Variants in EYS observed in about 807,000 individuals in gnomAD.
EYS encodes EGF-like photoreceptor maintenance factor.
Under a neutral mutation model 282.1 loss-of-function variants are expected in EYS, and 250 were observed. That is an observed-to-expected ratio of 0.89 (90% CI 0.80 to 0.98). The LOEUF (loss-of-function observed/expected upper bound fraction) is 0.98. Ranked by LOEUF, EYS falls within the 50% of genes least tolerant of loss-of-function variation. EYS has a pLI of 0.00. For synonymous variants in EYS, 1,355 were observed against 1,282.9 expected (o/e 1.06, Z -1.20); for missense variants, 4,016 against 3,709.0 (o/e 1.08, Z -2.15).
chr6:65,657,239 C>A (rs1038414056), intron 1 of EYS, among the ~76,000 whole-genome samples: 2 of 151,848 alleles, frequency 1.3e-5, no homozygotes, highest in Non-Finnish European at 2.9e-5. Flanking sequence ...AACAAAATAT[C>A]CTTCTGTAGC....
intron 8 of EYS, among the ~76,000 whole-genome samples, chr6:65,368,668 A>C (rs571643291): frequency 6.6e-6 from 1 of 151,864 alleles, no homozygotes; most frequent in East Asian, 1.9e-4. Context: ...TTAAATTATT[A>C]AAATATATCA....
chr6:64,320,901 G>T (rs1163876345), intron 29 of EYS, among the ~76,000 whole-genome samples: 4 of 151,546 alleles, frequency 2.6e-5, no homozygotes, highest in Non-Finnish European at 5.9e-5. Flanking sequence ...ATTCTACTTG[G>T]CTTGTAACAT....
At chr6:64,603,853 A>G (rs1039652578) in intron 24 of EYS, among the ~76,000 whole-genome samples, 2 of 145,330 alleles carry the variant, frequency 1.4e-5, no homozygotes, top group African/African-American at 5.2e-5. Context: ...ACTAAAGTAA[A>G]TGAATACCTG....
chr6:65,481,439 A>G (rs966639808), intron 5 of EYS, among the ~76,000 whole-genome samples: 7 of 152,216 alleles, frequency 4.6e-5, no homozygotes, highest in African/African-American at 1.4e-4. Context: ...AAGTTTCATT[A>G]GCATCCTGAG....
chr6:64,669,602 T>C (rs1769368907), intron 22 of EYS, among the ~76,000 whole-genome samples: 1 of 152,256 alleles, frequency 6.6e-6, no homozygotes, highest in Non-Finnish European at 1.5e-5. Flanking sequence ...CATTTATTTT[T>C]ATTTGTGCAA....
chr6:63,923,730 T>C (rs1477944004), intron 35 of EYS, among the ~76,000 whole-genome samples: 1 of 152,162 alleles, frequency 6.6e-6, no homozygotes, highest in African/African-American at 2.4e-5. Flanking sequence ...TCCTCCTCCT[T>C]CTCTCCCCCG....
chr6:64,686,843 A>ATATATATATGTGTATATATATACGTG lies in EYS; in HGVS notation c.3444-60599_3444-60598insCACGTATATATATACACATATATATA, dbSNP rs1562134014. ...TATGTGTATATATATATATACGTGTATATATATATATGTGTATATATATAC... is the reference window on the plus strand; with the variant it reads ...TATGTGTATATATATATATACGTGTATATATATATGTGTATATATATACGTGTATATATATATGTGTATATATATAC... On this transcript the variant is annotated intron_variant, in intron 22 of 42. Transcript: ENST00000503581. Among the ~76,000 whole-genome samples the ATATATATATGTGTATATATATACGTG allele has an allele frequency of 1.5e-4, 6 of 41,040 alleles. 1 individual carries two copies. The highest frequency in any genetic ancestry group is 2.4e-4 in the Admixed American group (1 of 4,216). 26.9% of individuals were successfully genotyped at this position (41,040 alleles called of 152,430 possible).
intron 13 of EYS, among the ~76,000 whole-genome samples, chr6:65,041,607 A>AT (rs1178686990): frequency 2.6e-5 from 4 of 151,554 alleles, no homozygotes; most frequent in African/African-American, 4.8e-5. Flanking sequence ...TGTTAAAAAT[A>AT]TTTTTTCTAA....
intron 21 of EYS, among the ~76,000 whole-genome samples, chr6:64,821,433 C>A (rs1213989320): frequency 1.3e-5 from 2 of 151,368 alleles, no homozygotes; most frequent in Non-Finnish European, 2.9e-5. Context: ...TTTCTAACAA[C>A]AAGAGACAAA....
chr6:65,703,772 T>C (rs1769768570), intron 1 of EYS, among the ~76,000 whole-genome samples: 1 of 152,142 alleles, frequency 6.6e-6, no homozygotes, highest in Non-Finnish European at 1.5e-5. Flanking sequence ...AAGTATTTTA[T>C]TGATATTTGG....
At chr6:64,192,721 A>G (rs1765154160) in intron 31 of EYS, among the ~76,000 whole-genome samples, 1 of 152,208 alleles carries the variant, frequency 6.6e-6, no homozygotes, top group Non-Finnish European at 1.5e-5. Context: ...CTAAAACCAT[A>G]AAAACCCTAG....
intron 26 of EYS, among the ~76,000 whole-genome samples, chr6:64,445,458 T>G (rs1474526028): frequency 6.6e-6 from 1 of 152,202 alleles, no homozygotes; most frequent in African/African-American, 2.4e-5. Flanking sequence ...CATATTATGA[T>G]TATACCTATA....
chr6:64,496,256 A>C (rs1219749817), intron 26 of EYS, among the ~76,000 whole-genome samples: 3 of 151,996 alleles, frequency 2.0e-5, no homozygotes, highest in East Asian at 3.9e-4. Flanking sequence ...AATATTGAGA[A>C]AGTAGCACAA....
At chr6:65,344,865 C>A (rs1770335927) in intron 9 of EYS, among the ~76,000 whole-genome samples, 1 of 151,548 alleles carries the variant, frequency 6.6e-6, no homozygotes, top group Non-Finnish European at 1.5e-5. Context: ...AGACCTGATC[C>A]AATCTTTTTG....
At chr6:64,233,310 T>C (rs1177797130) in intron 30 of EYS, among the ~76,000 whole-genome samples, 1 of 152,222 alleles carries the variant, frequency 6.6e-6, no homozygotes, top group Non-Finnish European at 1.5e-5. Context: ...ATATGATAAT[T>C]AATAGTCTTT....
At chr6:64,046,520 A>G (rs1203537171) in intron 33 of EYS, among the ~76,000 whole-genome samples, 1 of 150,476 alleles carries the variant, frequency 6.6e-6, no homozygotes. Flanking sequence ...CATGAATTTG[A>G]CCTGAAAGGA....
chr6:65,565,993 A>C (rs972568207), intron 2 of EYS, among the ~76,000 whole-genome samples: 2 of 151,892 alleles, frequency 1.3e-5, no homozygotes, highest in Admixed American at 6.6e-5. Flanking sequence ...GAAATACCTA[A>C]TGTAGATGAT....
intron 31 of EYS, among the ~76,000 whole-genome samples, chr6:64,182,539 A>G (rs7761358): frequency 0.056 from 8,461 of 152,140 alleles, 749 homozygotes; most frequent in African/African-American, 0.19. Context: ...CATTTTCATC[A>G]GCATATAAAC....
intron 31 of EYS, among the ~76,000 whole-genome samples, chr6:64,107,227 G>T (rs1457111012): frequency 7.3e-6 from 1 of 137,390 alleles, no homozygotes; most frequent in Non-Finnish European, 1.5e-5. Flanking sequence ...TTCTCTAGAG[G>T]AACAGAACTA....
Sources: allele counts gnomAD v4.1 joint callset (sites outside exome capture counted in the v4.1 genomes callset), GRCh38; gene constraint gnomAD v4.1.1; transcripts MANE v1.5; gene names NCBI Gene and HGNC (gene_info 2026-07-23, HGNC 2026-07-21).